The following MKLN1 variants were observed in gnomAD, a reference collection of about 807,000 sequenced individuals.
MKLN1 encodes the protein muskelin.
Under a neutral mutation model 99.0 loss-of-function variants are expected in MKLN1, and 18 were observed. The ratio of observed to expected loss-of-function variants is 0.18; its 90% CI spans 0.13 to 0.27. The LOEUF (loss-of-function observed/expected upper bound fraction) is 0.27, where lower values mean the gene tolerates loss of function less well. MKLN1 is among the 10% of genes least tolerant of loss of function. MKLN1 has a pLI of 1.00. For missense variants in MKLN1, 621 were observed against 875.9 expected (o/e 0.71, Z 3.67); for synonymous variants, 288 against 293.2 (o/e 0.98, Z 0.18).
At chr7:131,194,953 T>C (rs1213067595) in intron 2 of MKLN1, among the ~76,000 whole-genome samples, 1 of 152,230 alleles carries the variant, frequency 6.6e-6, no homozygotes, top group East Asian at 1.9e-4. Context: ...TCTCCCTTTG[T>C]AGAGCTCTTT....
intron 8 of MKLN1, 68 bp downstream of exon 8, chr7:131,414,778 G>A: frequency 4.0e-6 from 1 of 250,710 alleles, no homozygotes; most frequent in Non-Finnish European, 7.1e-6. Flanking sequence ...CCAGGCAGTG[G>A]CAGGTAAGGA....
intron 7 of MKLN1, among the ~76,000 whole-genome samples, chr7:131,414,317 C>G (rs755486663): frequency 1.3e-5 from 2 of 152,118 alleles, no homozygotes; most frequent in African/African-American, 2.4e-5. Flanking sequence ...TTGACCTTCA[C>G]TTTGGCACTC....
At chr7:131,205,735 G>T (rs1407843565) in intron 3 of MKLN1, among the ~76,000 whole-genome samples, 2 of 152,024 alleles carry the variant, frequency 1.3e-5, no homozygotes, top group Non-Finnish European at 2.9e-5. Flanking sequence ...CTTTCCTGCT[G>T]TCAACCAGGA....
intron 4 of MKLN1, 25 bp from the exon 5 acceptor site, chr7:131,397,242 T>C: frequency 7.0e-7 from 1 of 1,422,210 alleles, no homozygotes. Flanking sequence ...ATTTTTCTTC[T>C]TCTTTTTGTT....
chr7:131,340,272 C>T (rs1203652690), intron 1 of MKLN1, among the ~76,000 whole-genome samples: 13 of 126,172 alleles, frequency 1.0e-4, no homozygotes, highest in East Asian at 2.6e-4. Flanking sequence ...TTTGTAATTA[C>T]GGCTTTTTTT....
intron 16 of MKLN1, among the ~76,000 whole-genome samples, chr7:131,477,050 ATTAAT>A (rs150431915): frequency 4.8e-4 from 73 of 152,360 alleles, no homozygotes; most frequent in African/African-American, 1.2e-3. Flanking sequence ...TTACTGAAAC[ATTAAT>A]TTAAGATTGA....
intron 16 of MKLN1, among the ~76,000 whole-genome samples, chr7:131,473,016 A>G (rs1796870315): frequency 6.6e-6 from 1 of 151,914 alleles, no homozygotes; most frequent in Non-Finnish European, 1.5e-5. Context: ...GTCTGCTCTT[A>G]AAGAACAGAA....
chr7:131,402,037 C>A (rs1292709786), intron 6 of MKLN1, among the ~76,000 whole-genome samples: 1 of 152,164 alleles, frequency 6.6e-6, no homozygotes, highest in Admixed American at 6.5e-5. Context: ...TCAATGAGTT[C>A]TTCCTTTCAC....
chr7:131,474,032 C>G (rs1300595936), intron 16 of MKLN1, among the ~76,000 whole-genome samples: 1 of 152,068 alleles, frequency 6.6e-6, no homozygotes, highest in Non-Finnish European at 1.5e-5. Flanking sequence ...CGCCTGTAAT[C>G]CCAGCTGATC....
At chr7:131,185,415 T>C (rs867026031) in intron 2 of MKLN1, among the ~76,000 whole-genome samples, 1 of 81,846 alleles carries the variant, frequency 1.2e-5, no homozygotes, top group African/African-American at 4.1e-5. Flanking sequence ...TCGTCTCTAC[T>C]AAAAATACAA....
At chr7:131,139,089 G>A (rs1795693531) in intron 1 of MKLN1, among the ~76,000 whole-genome samples, 1 of 152,094 alleles carries the variant, frequency 6.6e-6, no homozygotes, top group Non-Finnish European at 1.5e-5. Context: ...CCCCAACCAG[G>A]CCCAGGGCTT....
chr7:131,348,437 G>T (rs1250147707), intron 1 of MKLN1, among the ~76,000 whole-genome samples: 1 of 151,816 alleles, frequency 6.6e-6, no homozygotes, highest in Non-Finnish European at 1.5e-5. Flanking sequence ...AGGTACACAA[G>T]TTTTTATAGA....
intron 1 of MKLN1, among the ~76,000 whole-genome samples, chr7:131,344,840 T>G (rs993130938): frequency 2.0e-5 from 3 of 152,206 alleles, no homozygotes; most frequent in Non-Finnish European, 4.4e-5. Context: ...CTTGCTCTGT[T>G]GCCCAGGCTG....
At chr7:131,401,198 A>G (rs937406226) in intron 6 of MKLN1, among the ~76,000 whole-genome samples, 1 of 152,194 alleles carries the variant, frequency 6.6e-6, no homozygotes, top group Non-Finnish European at 1.5e-5. Flanking sequence ...ATTACTTAGT[A>G]TGATCTTTAA....
chr7:131,471,598 C>T (rs1208354856), intron 16 of MKLN1: 2 of 152,184 alleles, frequency 1.3e-5, no homozygotes, highest in African/African-American at 4.8e-5. Flanking sequence ...TGTGAAAATG[C>T]CTGCAATGAT....
intron 1 of MKLN1, among the ~76,000 whole-genome samples, chr7:131,125,508 G>A (rs539361038): frequency 6.6e-6 from 1 of 152,274 alleles, no homozygotes; most frequent in Admixed American, 6.5e-5. Flanking sequence ...AAGGGCAAGA[G>A]GAGTCATATG....
chr7:131,362,102 A>C (rs1281063156), intron 1 of MKLN1, among the ~76,000 whole-genome samples: 1 of 151,904 alleles, frequency 6.6e-6, no homozygotes, highest in African/African-American at 2.4e-5. Context: ...ATTTTCTTAA[A>C]ATTTTTTATT....
chr7:131,321,916 T>C (rs1798784000), intron 3 of MKLN1, among the ~76,000 whole-genome samples: 1 of 152,228 alleles, frequency 6.6e-6, no homozygotes, highest in Non-Finnish European at 1.5e-5. Context: ...TGGTTACTCA[T>C]GAAGGCCCAA....
intron 3 of MKLN1, among the ~76,000 whole-genome samples, chr7:131,252,984 T>G (rs1479700773): frequency 1.3e-5 from 2 of 152,144 alleles, no homozygotes; most frequent in African/African-American, 4.8e-5. Flanking sequence ...AAAAGTTTAG[T>G]GTTATCAAGA....
Sources: allele counts gnomAD v4.1 joint callset (sites outside exome capture counted in the v4.1 genomes callset), GRCh38; gene constraint gnomAD v4.1.1; transcripts MANE v1.5; gene names NCBI Gene and HGNC (gene_info 2026-07-23, HGNC 2026-07-21).